The following ZHX2 variants were observed in gnomAD, a reference collection of about 807,000 sequenced individuals.
ZHX2 encodes zinc fingers and homeoboxes protein 2.
ZHX2 carries 6 observed loss-of-function variants against 21.9 expected under a neutral mutation model. That is an observed-to-expected ratio of 0.27 (90% CI 0.15 to 0.54). The LOEUF is 0.54. Among genes scored for constraint, ZHX2 ranks in the 20% least tolerant of loss-of-function variants. ZHX2 has a pLI of 0.95. For synonymous variants in ZHX2, 434 were observed against 437.1 expected (o/e 0.99, Z 0.09); for missense variants, 908 against 1,090.7 (o/e 0.83, Z 2.36).
At chr8:122,786,176 C>T (rs1817391924) in intron 1 of ZHX2, among the ~76,000 whole-genome samples, 2 of 152,178 alleles carry the variant, frequency 1.3e-5, no homozygotes, top group Admixed American at 1.3e-4. Context: ...GTTAGTGGGA[C>T]TGGAAAAGCT....
At chr8:122,925,494 G>C (rs1027829506) in intron 2 of ZHX2, among the ~76,000 whole-genome samples, 2 of 152,230 alleles carry the variant, frequency 1.3e-5, no homozygotes, top group African/African-American at 4.8e-5. Context: ...AGATGTTACA[G>C]AGTAACAAGT....
At chr8:122,969,219 G>T (rs1172385593) in intron 3 of ZHX2, among the ~76,000 whole-genome samples, 2 of 152,050 alleles carry the variant, frequency 1.3e-5, no homozygotes, top group East Asian at 1.9e-4. Context: ...ACAGTGGAGT[G>T]ATGTTGACCA....
At chr8:122,858,638 CT>C (rs34399149) in intron 1 of ZHX2, among the ~76,000 whole-genome samples, 22,728 of 82,728 alleles carry the variant, frequency 0.27, 1,199 homozygotes, top group Middle Eastern at 0.42. Context: ...TTCTTTCTTT[CT>C]TTTTTTTTTT....
At chr8:122,820,782 A>G (rs901757172) in intron 1 of ZHX2, among the ~76,000 whole-genome samples, 1 of 152,242 alleles carries the variant, frequency 6.6e-6, no homozygotes, top group Non-Finnish European at 1.5e-5. Context: ...TAAAAATAAT[A>G]AGAATAAAAA....
chr8:122,884,526 T>TC (rs1291925729), intron 2 of ZHX2, among the ~76,000 whole-genome samples: 2 of 151,960 alleles, frequency 1.3e-5, no homozygotes, highest in Non-Finnish European at 2.9e-5. Flanking sequence ...GTGTCACAAA[T>TC]CCCCCCCACC....
intron 2 of ZHX2, among the ~76,000 whole-genome samples, chr8:122,935,536 CT>C (rs397795298): frequency 6.2e-4 from 83 of 133,890 alleles, no homozygotes; most frequent in African/African-American, 5.6e-4. Flanking sequence ...TTGAGAGTAA[CT>C]TTTTTTTTTT....
Position 122,911,265 on chromosome 8 carries a change from G to T in ZHX2, c.-219-40027G>T, listed in dbSNP as rs143981617. On this transcript the variant is annotated intron_variant, in intron 2 of 3. Coordinates refer to ENST00000314393, the MANE Select transcript of ZHX2 (RefSeq NM_014943.5). ...CTGGTGGTTCCCGGGGGTGGAAGGG[G>T]GCTTTGCCAAGATGAGGGTGGGGGT... 6.1e-3 allele frequency among the ~76,000 whole-genome samples: 928 copies of T among 151,302 alleles called. 6 individuals carry two copies. Among genetic ancestry groups the T allele is most frequent in the South Asian group, 0.018 (88 of 4,764 alleles).
intron 2 of ZHX2, among the ~76,000 whole-genome samples, chr8:122,897,451 C>G (rs955536109): frequency 2.6e-5 from 4 of 152,128 alleles, no homozygotes; most frequent in Non-Finnish European, 5.9e-5. Flanking sequence ...GTGTGAAAGT[C>G]AAGTCTAATT....
At chr8:122,842,304 T>C (rs1818649562) in intron 1 of ZHX2, among the ~76,000 whole-genome samples, 2 of 152,240 alleles carry the variant, frequency 1.3e-5, no homozygotes. Context: ...CCAGGCCTGC[T>C]TCCCCAGCCT....
chr8:122,864,503 C>T (rs1819239066), intron 2 of ZHX2, among the ~76,000 whole-genome samples: 1 of 152,020 alleles, frequency 6.6e-6, no homozygotes, highest in South Asian at 2.1e-4. Context: ...CTCAGAGGCT[C>T]TGGGGAGCCT....
intron 3 of ZHX2, among the ~76,000 whole-genome samples, chr8:122,965,033 G>C (rs4316159): frequency 7.4e-5 from 9 of 121,840 alleles, no homozygotes; most frequent in African/African-American, 2.4e-4. Flanking sequence ...TCTCTCTTCT[G>C]TTTTTTTTTT....
At chr8:122,841,395 A>T (rs1398939108) in intron 1 of ZHX2, among the ~76,000 whole-genome samples, 1 of 152,082 alleles carries the variant, frequency 6.6e-6, no homozygotes, top group Admixed American at 6.5e-5. Flanking sequence ...AGGCCTAGAG[A>T]TCTCCCTATC....
At position 122,969,636 on chromosome 8, in the gene ZHX2, G is replaced by T. The variant is rs7819760; in HGVS notation, c.*5-3606G>T. 9.6e-3 allele frequency among the ~76,000 whole-genome samples: 1,465 copies of T among 152,154 alleles called. 29 individuals carry two copies. Among genetic ancestry groups the T allele is most frequent in the African/African-American group, 0.033 (1,376 of 41,520 alleles). Reference sequence around the variant, plus strand: ...TACAGTTAAACTGACAGGTTTGTCCGTATCAAAAATAGAAGCCAGATGACA... The same window carrying T: ...TACAGTTAAACTGACAGGTTTGTCCTTATCAAAAATAGAAGCCAGATGACA... On this transcript the variant is annotated intron_variant, in intron 3 of 3. Coordinates refer to ENST00000314393, the MANE Select transcript of ZHX2 (RefSeq NM_014943.5).
chr8:122,875,139 A>T (rs1159496066), intron 2 of ZHX2, among the ~76,000 whole-genome samples: 26 of 2,096 alleles, frequency 0.012, no homozygotes, highest in African/African-American at 0.032. Flanking sequence ...TTATATATAT[A>T]TATATATATA....
intron 2 of ZHX2, among the ~76,000 whole-genome samples, chr8:122,917,838 C>CGTG (rs1321597415): frequency 6.6e-6 from 1 of 152,196 alleles, no homozygotes; most frequent in African/African-American, 2.4e-5. Flanking sequence ...GAGGCACACA[C>CGTG]ACCACCACTG....
intron 2 of ZHX2, among the ~76,000 whole-genome samples, chr8:122,945,689 G>C (rs1018382122): frequency 6.6e-6 from 1 of 152,182 alleles, no homozygotes; most frequent in Non-Finnish European, 1.5e-5. Flanking sequence ...ACTTCAGACA[G>C]AGAGGGGCAA....
chr8:122,953,453 C>A lies in ZHX2; in HGVS notation c.1943C>A (p.Ala648Glu). 1 of 1,614,206 alleles carries A rather than the reference C, an allele frequency of 6.2e-7. No homozygotes were observed. Among genetic ancestry groups the A allele is most frequent in the Non-Finnish European group, 8.5e-7 (1 of 1,180,046 alleles). Residue 648 changes from alanine to glutamate, a missense_variant, in exon 3 of 4, where the codon GCA becomes GAA. Ala to Glu is a moderately radical substitution (Grantham distance 107). Coordinates refer to ENST00000314393, the MANE Select transcript of ZHX2 (RefSeq NM_014943.5). This position sits in a 1 kb window ranked among gnomAD's most constrained non-coding sequence, Gnocchi z 4.6. Reference sequence around the variant, plus strand: ...GTTCATCTCCTGAGGAGCACGTTTGCAAGAACCCAGTGGCCTACTCCCCAG... The same window carrying A: ...GTTCATCTCCTGAGGAGCACGTTTGAAAGAACCCAGTGGCCTACTCCCCAG... ...EQVHLLRSTF[A>E]RTQWPTPQEY...
At chr8:122,875,130 TA>T (rs61217226) in intron 2 of ZHX2, among the ~76,000 whole-genome samples, 74,664 of 93,204 alleles carry the variant, frequency 0.8, 28,118 homozygotes, top group African/African-American at 0.86. Context: ...AAAACTCTGT[TA>T]TATATATATA....
chr8:122,875,146 T>C (rs1819537383), intron 2 of ZHX2, among the ~76,000 whole-genome samples: 1 of 4,408 alleles, frequency 2.3e-4, no homozygotes, highest in African/African-American at 5.8e-4. Context: ...TATATATATA[T>C]ATATATATAT....
Sources: allele counts gnomAD v4.1 joint callset (sites outside exome capture counted in the v4.1 genomes callset), GRCh38; gene constraint gnomAD v4.1.1; non-coding constraint Gnocchi (gnomAD v3.1); transcripts MANE v1.5; gene names NCBI Gene and HGNC (gene_info 2026-07-23, HGNC 2026-07-21).